Variants in MYO6 observed in about 807,000 individuals in gnomAD.
MYO6 encodes the protein unconventional myosin-VI.
In MYO6, 74 loss-of-function variants were observed where a neutral mutation model predicts 178.7. The ratio of observed to expected loss-of-function variants is 0.41; its 90% confidence interval spans 0.34 to 0.50. MYO6 has a LOEUF of 0.50. Ranked by LOEUF, MYO6 falls within the 20% of genes least tolerant of loss-of-function variation. MYO6 has a pLI of 0.09. For missense variants in MYO6, 1,330 were observed against 1,547.4 expected (o/e 0.86, Z 2.36); for synonymous variants, 477 against 504.6 (o/e 0.95, Z 0.73).
At chr6:75,824,208 C>A (rs550311517) in intron 3 of MYO6, among the ~76,000 whole-genome samples, 1 of 152,272 alleles carries the variant, frequency 6.6e-6, no homozygotes, top group African/African-American at 2.4e-5. Context: ...ATTCTCTCTC[C>A]ATTTGCTTTG....
chr6:75,886,829 GTAT>G lies in MYO6; in HGVS notation c.2508-10_2508-8del, dbSNP rs1778473527. 14 of 1,601,224 alleles carry G rather than the reference GTAT, an allele frequency of 8.7e-6. No homozygotes were observed. Among genetic ancestry groups the G allele is most frequent in the Non-Finnish European group, 1.2e-5 (14 of 1,172,596 alleles). On this transcript the variant is annotated splice_polypyrimidine_tract_variant and intron_variant, in intron 24 of 34. Coordinates refer to ENST00000369977, the MANE Select transcript of MYO6 (RefSeq NM_004999.4). ...AAGGATGAAATTAAGCTCTAATGAAGTATTATTTTTACAGCATTGATGGTCTGG... is the reference window on the plus strand; with the variant it reads ...AAGGATGAAATTAAGCTCTAATGAAGTATTTTTACAGCATTGATGGTCTGG...
chr6:75,783,932 T>C (rs1479288085), intron 1 of MYO6, among the ~76,000 whole-genome samples: 1 of 152,142 alleles, frequency 6.6e-6, no homozygotes, highest in Non-Finnish European at 1.5e-5. Context: ...AGAGTTTGTC[T>C]TAAGTGGGAT....
chr6:75,757,170 A>C (rs905501316), intron 1 of MYO6, among the ~76,000 whole-genome samples: 1 of 147,674 alleles, frequency 6.8e-6, no homozygotes, highest in Non-Finnish European at 1.5e-5. Flanking sequence ...GTATGTATAT[A>C]CACACATATA....
At position 75,841,212 on chromosome 6, in the gene MYO6, A is replaced by G. The variant is rs746338729; in HGVS notation, c.652-2A>G. ...ATATTTTCTCTGTGTTTTGTTTTTT[A>G]GAGCTCAGTTGTTGGAGGATTTGTT... On this transcript the variant is annotated splice_acceptor_variant, in intron 8 of 34. Transcript: ENST00000369977. LOFTEE classifies it high-confidence loss of function. 4 of 1,612,204 alleles carry G rather than the reference A, an allele frequency of 2.5e-6. No individual in the cohort carries two copies. Among genetic ancestry groups the G allele is most frequent in the Non-Finnish European group, 3.4e-6 (4 of 1,178,714 alleles).
intron 23 of MYO6, among the ~76,000 whole-genome samples, chr6:75,885,566 A>G (rs1316483205): frequency 6.6e-6 from 1 of 151,976 alleles, no homozygotes; most frequent in African/African-American, 2.4e-5. Flanking sequence ...CTCCTGCCTC[A>G]GCCTCCCATA....
At chr6:75,906,503 C>G (rs1780335597) in intron 30 of MYO6, among the ~76,000 whole-genome samples, 1 of 151,884 alleles carries the variant, frequency 6.6e-6, no homozygotes, top group African/African-American at 2.4e-5. Context: ...TGGCAAGACC[C>G]CATCTCTACA....
At chr6:75,791,059 G>C (rs1016561016) in intron 1 of MYO6, among the ~76,000 whole-genome samples, 2 of 151,938 alleles carry the variant, frequency 1.3e-5, no homozygotes, top group African/African-American at 4.8e-5. Flanking sequence ...TCAACCTCCC[G>C]AGTAGCTGGA....
intron 10 of MYO6, among the ~76,000 whole-genome samples, chr6:75,846,991 T>A (rs1774790458): frequency 6.6e-6 from 1 of 152,174 alleles, no homozygotes; most frequent in South Asian, 2.1e-4. Context: ...TCATTTTGAC[T>A]AATTAAACCC....
intron 1 of MYO6, among the ~76,000 whole-genome samples, chr6:75,762,046 C>T (rs538618235): frequency 1.3e-5 from 2 of 152,184 alleles, no homozygotes; most frequent in East Asian, 3.9e-4. Flanking sequence ...ATTCTCCTGC[C>T]TCAGCCTCCT....
intron 30 of MYO6, among the ~76,000 whole-genome samples, chr6:75,904,740 T>C (rs964841275): frequency 1.3e-5 from 2 of 152,216 alleles, no homozygotes; most frequent in African/African-American, 4.8e-5. Flanking sequence ...TCAAAGTCAT[T>C]CTCCGTCCAG....
chr6:75,872,119 ACTCT>A (rs1200068923), intron 19 of MYO6, among the ~76,000 whole-genome samples: 1 of 151,914 alleles, frequency 6.6e-6, no homozygotes, highest in Non-Finnish European at 1.5e-5. Flanking sequence ...ACAGAATGAG[ACTCT>A]CTCTCAAAAA....
At position 75,841,276 on chromosome 6, in the gene MYO6, A is replaced by G. The variant is rs751472354; in HGVS notation, c.714A>G (p.Gln238=). ...YLLEKSRICV[Q]GKEERNYHIF... is the part of the protein sequence containing the mutation. ...TAGAGAAATCTAGGATCTGTGTTCA[A>G]GGCAAAGAGGAAAGAAATTATCATA... is the stretch of plus-strand genomic sequence containing the variant. The change falls in exon 9 of 35, where the codon CAA becomes CAG. Residue 238 remains glutamine, a synonymous_variant. Transcript: ENST00000369977. The G allele has an allele frequency of 6.2e-7, 1 of 1,613,884 alleles. No individual in the cohort carries two copies. Among genetic ancestry groups the G allele is most frequent in the Non-Finnish European group, 8.5e-7 (1 of 1,179,928 alleles).
intron 30 of MYO6, among the ~76,000 whole-genome samples, chr6:75,906,492 A>C (rs1399965696): frequency 6.6e-6 from 1 of 152,092 alleles, no homozygotes; most frequent in Non-Finnish European, 1.5e-5. Flanking sequence ...CCTGGGCAAC[A>C]TGGCAAGACC....
At chr6:75,822,942 G>A (rs1459019868) in intron 3 of MYO6, 91 bp downstream of exon 3, 4 of 1,000,838 alleles carry the variant, frequency 4.0e-6, no homozygotes, top group Non-Finnish European at 6.3e-6. Context: ...CTGATACACT[G>A]TGCGGGTTCA....
chr6:75,827,576 G>C (rs1447375947), intron 3 of MYO6, among the ~76,000 whole-genome samples: 2 of 152,120 alleles, frequency 1.3e-5, no homozygotes, highest in East Asian at 3.8e-4. Flanking sequence ...TTAGAGAGGA[G>C]AGAGACTGAG....
intron 1 of MYO6, 21 bp from the exon 2 acceptor site, chr6:75,817,480 G>A (rs555326321): frequency 2.0e-5 from 24 of 1,174,414 alleles, no homozygotes; most frequent in Admixed American, 8.4e-5. Context: ...TCATGTTGCT[G>A]TATTTGTTCC....
intron 2 of MYO6, among the ~76,000 whole-genome samples, chr6:75,822,073 C>CT (rs1168800118): frequency 7.4e-4 from 105 of 142,084 alleles, no homozygotes; most frequent in African/African-American, 2.4e-3. Flanking sequence ...TTTTTTCTGT[C>CT]TTTTTTTTTT....
intron 22 of MYO6, among the ~76,000 whole-genome samples, chr6:75,881,179 G>C (rs1237277771): frequency 6.6e-6 from 1 of 152,106 alleles, no homozygotes; most frequent in African/African-American, 2.4e-5. Context: ...GCCTGAGCCT[G>C]GGAAGTTGAG....
At chr6:75,827,670 AAGG>A (rs1772625014) in intron 3 of MYO6, among the ~76,000 whole-genome samples, 1 of 152,176 alleles carries the variant, frequency 6.6e-6, no homozygotes, top group Admixed American at 6.5e-5. Context: ...AATGGAAAGA[AAGG>A]AGATAGGTTG....
Sources: allele counts gnomAD v4.1 joint callset (sites outside exome capture counted in the v4.1 genomes callset), GRCh38; gene constraint gnomAD v4.1.1; transcripts MANE v1.5; gene names NCBI Gene and HGNC (gene_info 2026-07-23, HGNC 2026-07-21).